EPB41L3: variants seen among roughly 807,000 people sequenced by gnomAD.
EPB41L3 encodes erythrocyte membrane protein band 4.1 like 3, also known as band 4.1-like protein 3.
A neutral mutation model predicts 127.1 loss-of-function variants in EPB41L3; 57 were observed. The ratio of observed to expected loss-of-function variants is 0.45; its 90% CI spans 0.36 to 0.56. The LOEUF (loss-of-function observed/expected upper bound fraction) is 0.56, where lower values mean the gene tolerates loss of function less well. Among genes scored for constraint, EPB41L3 ranks in the 20% least tolerant of loss-of-function variants. EPB41L3 has a pLI of 0.00. For synonymous variants in EPB41L3, 572 were observed against 549.5 expected, an observed-to-expected ratio of 1.04 and a Z score of -0.57; for missense variants, 1,273 against 1,372.2, an observed-to-expected ratio of 0.93 and a Z score of 1.14.
intron 4 of EPB41L3, 84 bp from the exon 5 acceptor site, chr18:5,443,964 T>C: frequency 2.5e-6 from 3 of 1,180,034 alleles, no homozygotes; most frequent in Non-Finnish European, 3.7e-6. Context: ...TCTCCCTAAA[T>C]GCAGTGCGGA....
At position 5,452,378 on chromosome 18, in the gene EPB41L3, CT is replaced by C. The variant is rs10700644; in HGVS notation, c.382-7135del. Among the ~76,000 whole-genome samples, 313 of 145,044 alleles carry C rather than the reference CT, an allele frequency of 2.2e-3. 1 individual carries two copies. The highest frequency in any genetic ancestry group is 6.9e-3 in the Middle Eastern group (2 of 288). The stretch of plus-strand genomic sequence containing the variant: ...TACACAGACACAAGTGCCTAAAATC[CT>C]TTTTTTTTTTTTAGAGGCAGGGTCT... On this transcript the variant is annotated intron_variant, in intron 3 of 22. Coordinates refer to ENST00000341928, the MANE Select transcript of EPB41L3 (RefSeq NM_012307.5).
upstream of EPB41L3, among the ~76,000 whole-genome samples, chr18:5,546,690 AT>A (rs925640219): frequency 4.6e-5 from 7 of 152,096 alleles, no homozygotes; most frequent in South Asian, 6.2e-4. Flanking sequence ...CTCCTCTATT[AT>A]TTTTTTCCCC....
intron 1 of EPB41L3, among the ~76,000 whole-genome samples, chr18:5,497,777 C>G (rs962375444): frequency 2.6e-5 from 4 of 152,160 alleles, no homozygotes; most frequent in Non-Finnish European, 5.9e-5. Context: ...AGTGACAGCT[C>G]CAGTCTTCCA....
intron 4 of EPB41L3, among the ~76,000 whole-genome samples, chr18:5,444,578 T>C (rs1330572021): frequency 2.0e-5 from 3 of 152,194 alleles, no homozygotes; most frequent in Admixed American, 6.5e-5. Flanking sequence ...TACAGAGGTA[T>C]TGCATTAAAC....
intron 1 of EPB41L3, among the ~76,000 whole-genome samples, chr18:5,539,251 TC>T: frequency 1.9e-3 from 2 of 1,068 alleles, no homozygotes; most frequent in African/African-American, 2.3e-3. Context: ...TTCTGCTTTC[TC>T]TCTCTCTCTC....
At chr18:5,517,203 C>T (rs1054992472) in intron 1 of EPB41L3, among the ~76,000 whole-genome samples, 11 of 152,118 alleles carry the variant, frequency 7.2e-5, no homozygotes, top group African/African-American at 2.2e-4. Flanking sequence ...ATGCAGCAAC[C>T]GCAAACCTGA....
chr18:5,409,591 C>T (rs947910211), intron 14 of EPB41L3, among the ~76,000 whole-genome samples: 3 of 151,844 alleles, frequency 2.0e-5, no homozygotes, highest in Admixed American at 6.6e-5. Flanking sequence ...CCTAATAAAA[C>T]GCCATCGCAA....
chr18:5,399,948 A>C (rs1177608592), intron 16 of EPB41L3: 1 of 152,218 alleles, frequency 6.6e-6, no homozygotes, highest in African/African-American at 2.4e-5. Flanking sequence ...TTGTAATGAA[A>C]TATTTCCCAC....
chr18:5,424,634 A>G (rs1006323392), intron 9 of EPB41L3, among the ~76,000 whole-genome samples: 4 of 152,170 alleles, frequency 2.6e-5, no homozygotes, highest in African/African-American at 9.7e-5. Flanking sequence ...CCAAACACGA[A>G]AAGGGGTTTT....
At chr18:5,588,878 A>G (rs183297830) in intron 3 of EPB41L3, among the ~76,000 whole-genome samples, 8 of 152,260 alleles carry the variant, frequency 5.3e-5, no homozygotes, top group Admixed American at 2.0e-4. Context: ...TTTATTTCTG[A>G]AGACAATAAA....
intron 1 of EPB41L3, among the ~76,000 whole-genome samples, chr18:5,627,341 T>A (rs954731852): frequency 7.2e-5 from 11 of 152,156 alleles, no homozygotes; most frequent in Non-Finnish European, 4.4e-5. Flanking sequence ...AAATACAAAA[T>A]TTCTCTAAAA....
chr18:5,517,685 C>T (rs1271417618), intron 1 of EPB41L3, among the ~76,000 whole-genome samples: 1 of 152,136 alleles, frequency 6.6e-6, no homozygotes, highest in Non-Finnish European at 1.5e-5. Context: ...CAATCTTCCT[C>T]CCTCGACCTC....
At chr18:5,542,298 A>G (rs1719969) in intron 1 of EPB41L3, among the ~76,000 whole-genome samples, 40,788 of 152,186 alleles carry the variant, frequency 0.27, 7,262 homozygotes, top group African/African-American at 0.5. Context: ...AGACATAAGC[A>G]GAATTTTATC....
intron 13 of EPB41L3, among the ~76,000 whole-genome samples, chr18:5,415,246 T>C (rs1039436418): frequency 6.6e-6 from 1 of 152,186 alleles, no homozygotes; most frequent in Non-Finnish European, 1.5e-5. Context: ...CACAATACAA[T>C]GCGGGATCTG....
chr18:5,420,778 C>T (rs1041557867), intron 11 of EPB41L3, among the ~76,000 whole-genome samples: 5 of 152,114 alleles, frequency 3.3e-5, no homozygotes, highest in African/African-American at 9.7e-5. Flanking sequence ...ATAAATGTTG[C>T]TTTTCAAATA....
chr18:5,582,090 A>G (rs1331364481), intron 3 of EPB41L3, among the ~76,000 whole-genome samples: 1 of 152,270 alleles, frequency 6.6e-6, no homozygotes, highest in Non-Finnish European at 1.5e-5. Context: ...TCCGTTTTAC[A>G]TCGAACTAGA....
intron 3 of EPB41L3, among the ~76,000 whole-genome samples, chr18:5,560,862 G>GC (rs1185372989): frequency 6.6e-6 from 1 of 151,996 alleles, no homozygotes; most frequent in Non-Finnish European, 1.5e-5. Context: ...GAAGCACCAG[G>GC]CTTCTAAAAG....
At chr18:5,470,478 T>C (rs77261341) in intron 3 of EPB41L3, among the ~76,000 whole-genome samples, 2,309 of 152,294 alleles carry the variant, frequency 0.015, 38 homozygotes, top group South Asian at 0.048. Context: ...AGACAAATAA[T>C]AATTAAAACC....
At chr18:5,453,856 C>G (rs2082633483) in intron 3 of EPB41L3, among the ~76,000 whole-genome samples, 1 of 152,172 alleles carries the variant, frequency 6.6e-6, no homozygotes, top group Non-Finnish European at 1.5e-5. Flanking sequence ...GAAAGAATTT[C>G]TTCTCACATT....
Sources: allele counts gnomAD v4.1 joint callset (sites outside exome capture counted in the v4.1 genomes callset), GRCh38; gene constraint gnomAD v4.1.1; transcripts MANE v1.5; gene names NCBI Gene and HGNC (gene_info 2026-07-23, HGNC 2026-07-21).